ZBTB20: variants seen among roughly 807,000 people sequenced by gnomAD.
ZBTB20 encodes the protein zinc finger and BTB domain containing 20, also known as zinc finger and BTB domain-containing protein 20.
Under a neutral mutation model 56.9 loss-of-function variants are expected in ZBTB20, and 9 were observed. The observed-to-expected ratio is 0.16, with a 90% CI of 0.10 to 0.28. The LOEUF is 0.28. Ranked by LOEUF, ZBTB20 falls within the 10% of genes least tolerant of loss-of-function variation. ZBTB20 has a pLI of 1.00. For missense variants in ZBTB20, 655 were observed against 1,003.0 expected (o/e 0.65, Z 4.69); for synonymous variants, 417 against 420.7 (o/e 0.99, Z 0.11).
chr3:114,584,901 G>C (rs912349600), intron 6 of ZBTB20, among the ~76,000 whole-genome samples: 2 of 152,098 alleles, frequency 1.3e-5, no homozygotes, highest in African/African-American at 4.8e-5. Flanking sequence ...AAGAATACAA[G>C]GCAGCTGACA....
chr3:114,976,450 A>C (rs2108061368), intron 2 of ZBTB20, among the ~76,000 whole-genome samples: 1 of 152,202 alleles, frequency 6.6e-6, no homozygotes, highest in South Asian at 2.1e-4. Context: ...ACATGGCGAA[A>C]CCCCATCTCT....
chr3:114,624,791 C>T (rs989170756), intron 6 of ZBTB20: 3 of 152,908 alleles, frequency 2.0e-5, no homozygotes, highest in African/African-American at 7.2e-5. Flanking sequence ...ATGCCCTAGC[C>T]ACGGCCATGA....
chr3:114,889,103 A>G (rs926359605), intron 4 of ZBTB20, among the ~76,000 whole-genome samples: 1 of 151,984 alleles, frequency 6.6e-6, no homozygotes, highest in African/African-American at 2.4e-5. Flanking sequence ...ATTTTACACA[A>G]ATATGAATGT....
chr3:114,865,186 A>C (rs566754903), intron 4 of ZBTB20, among the ~76,000 whole-genome samples: 1 of 152,262 alleles, frequency 6.6e-6, no homozygotes, highest in East Asian at 1.9e-4. Flanking sequence ...TCAAGAATTG[A>C]GTCAACACTT....
At position 114,331,505 on chromosome 3, in the gene ZBTB20, A is replaced by G. The variant is rs2079254314; in HGVS notation, c.*7500T>C. Reference sequence around the variant, plus strand: ...GAAGAGGCAACTGTATCTATGCACGAGGACCTCTGCCTGTGTGTGCTTCCT... The same window carrying G: ...GAAGAGGCAACTGTATCTATGCACGGGGACCTCTGCCTGTGTGTGCTTCCT... On this transcript the variant is annotated 3_prime_UTR_variant, in exon 12 of 12. Transcript: ENST00000675478. 6.6e-6 allele frequency: 1 copy of G among 152,148 alleles called. No homozygotes were observed. Among genetic ancestry groups the G allele is most frequent in the Non-Finnish European group, 1.5e-5 (1 of 68,018 alleles). The allele number at this position is 152,148 out of a possible 1,614,324, so 9.4% of individuals were successfully genotyped here.
chr3:114,531,046 C>T (rs189807035), intron 6 of ZBTB20, among the ~76,000 whole-genome samples: 429 of 152,204 alleles, frequency 2.8e-3, no homozygotes, highest in African/African-American at 9.6e-3. Flanking sequence ...AAATAACTCC[C>T]GACTCTTGAT....
intron 7 of ZBTB20, among the ~76,000 whole-genome samples, chr3:114,396,870 C>A (rs1300549769): frequency 6.6e-6 from 1 of 152,068 alleles, no homozygotes; most frequent in Non-Finnish European, 1.5e-5. Flanking sequence ...ACTTTATCAC[C>A]CCTTTTCTTA....
At chr3:115,128,600 G>C (rs2084403775) in intron 1 of ZBTB20, among the ~76,000 whole-genome samples, 1 of 151,474 alleles carries the variant, frequency 6.6e-6, no homozygotes, top group Non-Finnish European at 1.5e-5. Flanking sequence ...GGAGGCGGAG[G>C]TTGCAGTGAA....
chr3:114,793,923 A>G (rs1159066247), intron 5 of ZBTB20, among the ~76,000 whole-genome samples: 4 of 152,038 alleles, frequency 2.6e-5, no homozygotes, highest in Non-Finnish European at 2.9e-5. Flanking sequence ...TGCTAAATGT[A>G]ACTATTTTTC....
chr3:114,522,572 C>T (rs527776744), intron 6 of ZBTB20, among the ~76,000 whole-genome samples: 1 of 152,092 alleles, frequency 6.6e-6, no homozygotes, highest in Admixed American at 6.5e-5. Flanking sequence ...AGTGGTAAGG[C>T]CAGAAGCAGG....
At chr3:115,112,820 G>A (rs992998118) in intron 1 of ZBTB20, among the ~76,000 whole-genome samples, 1 of 152,066 alleles carries the variant, frequency 6.6e-6, no homozygotes, top group Non-Finnish European at 1.5e-5. Flanking sequence ...ATACTCAATA[G>A]AGAGATTGCA....
chr3:114,346,950 T>C (rs902845202), intron 11 of ZBTB20, among the ~76,000 whole-genome samples: 1 of 151,986 alleles, frequency 6.6e-6, no homozygotes. Context: ...CCTCCCAAAG[T>C]CCTGGGATTA....
intron 6 of ZBTB20, among the ~76,000 whole-genome samples, chr3:114,613,534 A>G (rs1344852085): frequency 1.3e-5 from 2 of 152,184 alleles, no homozygotes; most frequent in Non-Finnish European, 2.9e-5. Context: ...ATAAGATGAG[A>G]GCAGCCAGAG....
chr3:114,557,764 G>A (rs1209789326), intron 6 of ZBTB20, among the ~76,000 whole-genome samples: 1 of 151,828 alleles, frequency 6.6e-6, no homozygotes, highest in Non-Finnish European at 1.5e-5. Context: ...CACCAAATTT[G>A]CATTATATAT....
intron 7 of ZBTB20, among the ~76,000 whole-genome samples, chr3:114,473,703 A>G (rs1317622066): frequency 6.6e-6 from 1 of 152,126 alleles, no homozygotes; most frequent in Non-Finnish European, 1.5e-5. Context: ...CAAATCACAG[A>G]TTCCTGGGCC....
chr3:114,780,401 G>A (rs2069991938), intron 5 of ZBTB20, among the ~76,000 whole-genome samples: 1 of 152,200 alleles, frequency 6.6e-6, no homozygotes, highest in Non-Finnish European at 1.5e-5. Flanking sequence ...TTTCATTGGT[G>A]CAGAGCACTA....
At chr3:114,665,743 G>A (rs1049606887) in intron 6 of ZBTB20, among the ~76,000 whole-genome samples, 4 of 151,926 alleles carry the variant, frequency 2.6e-5, no homozygotes, top group Admixed American at 2.6e-4. Flanking sequence ...AAATTATTTT[G>A]CGGTATTATA....
rs573171297 is a variant in ZBTB20, at chr3:114,334,841, A to G, written c.*4164T>C. The G allele has an allele frequency of 6.6e-6, 1 of 152,368 alleles. No homozygotes were observed. Among genetic ancestry groups the G allele is most frequent in the African/African-American group, 2.4e-5 (1 of 41,588 alleles). 9.4% of individuals were successfully genotyped at this position (152,368 alleles called of 1,614,324 possible). ...ATTAGGAGCTAAAGTTTACCTCTCA[A>G]TTAAAAGATACAGGAAACCATTTTG... On this transcript the variant is annotated 3_prime_UTR_variant, in exon 12 of 12. Transcript: ENST00000675478.
Position 114,827,005 on chromosome 3 carries a change from GT to G in ZBTB20, c.-416-25832del, listed in dbSNP as rs367816509. Among the ~76,000 whole-genome samples the G allele has an allele frequency of 5.7e-4, 86 of 151,642 alleles. No homozygotes were observed. In the East Asian group the frequency reaches 0.015, roughly 27 times the overall value. ...CTACTTAACATTTAGGTGCGTAAGG[GT>G]TTTTTTCCCTAAAGTGGGAGGATTT... is the stretch of plus-strand genomic sequence containing the variant. On this transcript the variant is annotated intron_variant, in intron 4 of 11. Transcript: ENST00000675478.
Sources: allele counts gnomAD v4.1 joint callset (sites outside exome capture counted in the v4.1 genomes callset), GRCh38; gene constraint gnomAD v4.1.1; transcripts MANE v1.5; gene names NCBI Gene and HGNC (gene_info 2026-07-23, HGNC 2026-07-21).